CRACR2A: variants seen among roughly 807,000 people sequenced by gnomAD.
The protein encoded by CRACR2A is calcium release activated channel regulator 2A.
Under a neutral mutation model 90.5 loss-of-function variants are expected in CRACR2A, and 79 were observed. That is an observed-to-expected ratio of 0.87 (90% CI 0.73 to 1.05). The LOEUF (loss-of-function observed/expected upper bound fraction) is 1.05, where lower values mean the gene tolerates loss of function less well. Among genes scored for constraint, CRACR2A ranks in the 50% least tolerant of loss-of-function variants. The pLI, the probability that CRACR2A is intolerant of heterozygous loss-of-function variation, is 0.00. For missense variants in CRACR2A, 823 were observed against 897.2 expected (o/e 0.92, Z 1.06); for synonymous variants, 338 against 356.7 (o/e 0.95, Z 0.59).
Position 3,656,303 on chromosome 12 carries a change from C to T in CRACR2A, c.858+8G>A, listed in dbSNP as rs946159859. ...CCAGGTACTCTGGGGCCATGGATGG[C>T]AACATACCCTTTTCTGCTTCTGGGT... On this transcript the variant is annotated splice_region_variant and intron_variant, in intron 9 of 19. Coordinates refer to ENST00000440314, the MANE Select transcript of CRACR2A (RefSeq NM_001144958.2). The T allele has an allele frequency of 3.1e-6, 5 of 1,613,770 alleles. No homozygotes were observed. In the African/African-American group the frequency reaches 6.7e-5, roughly 22 times the overall value.
intron 6 of CRACR2A, among the ~76,000 whole-genome samples, chr12:3,677,779 C>G (rs1945362209): frequency 6.6e-6 from 1 of 152,188 alleles, no homozygotes; most frequent in Admixed American, 6.5e-5. Context: ...AGCAAACCTG[C>G]TACTGCTGCT....
intron 3 of CRACR2A, among the ~76,000 whole-genome samples, chr12:3,712,191 C>A (rs898290951): frequency 6.6e-6 from 1 of 151,144 alleles, no homozygotes; most frequent in African/African-American, 2.4e-5. Flanking sequence ...CAAGTGTGAA[C>A]TTTGCCACCC....
At chr12:3,697,105 G>T (rs1945754926) in intron 3 of CRACR2A, 70 bp from the exon 4 acceptor site, 3 of 1,468,906 alleles carry the variant, frequency 2.0e-6, no homozygotes, top group Non-Finnish European at 2.7e-6. Flanking sequence ...GAACAAGAGG[G>T]GATGAGAAGG....
chr12:3,748,165 T>G (rs1946653426), intron 1 of CRACR2A, among the ~76,000 whole-genome samples: 1 of 152,164 alleles, frequency 6.6e-6, no homozygotes, highest in African/African-American at 2.4e-5. Flanking sequence ...TCCCACAAGT[T>G]CTCAGGCCCA....
intron 6 of CRACR2A, among the ~76,000 whole-genome samples, chr12:3,675,760 G>A (rs768649161): frequency 8.5e-5 from 13 of 152,138 alleles, no homozygotes; most frequent in Non-Finnish European, 1.9e-4. Flanking sequence ...AATGTGACTT[G>A]TCTTCCATTA....
In CRACR2A at chr12:3,724,447, G is replaced by A. The variant is rs536158684; in HGVS notation, c.-118+8495C>T. 1.2e-3 allele frequency among the ~76,000 whole-genome samples: 176 copies of A among 152,298 alleles called. 1 individual carries two copies. The highest frequency in any genetic ancestry group is 4.0e-3 in the African/African-American group (165 of 41,550). ...TCTGCGCTTCATCATGCAGTGCCCC[G>A]CGAGACGCCTCCCCAAGATAGCTGG... On this transcript the variant is annotated intron_variant, in intron 2 of 19. Transcript: ENST00000440314.
At chr12:3,653,652 A>G (rs1316087288) in intron 10 of CRACR2A, among the ~76,000 whole-genome samples, 1 of 152,172 alleles carries the variant, frequency 6.6e-6, no homozygotes, top group Non-Finnish European at 1.5e-5. Flanking sequence ...CCCTACTGGG[A>G]CCACACAGTT....
intron 4 of CRACR2A, among the ~76,000 whole-genome samples, chr12:3,684,144 A>G (rs1945509634): frequency 6.6e-6 from 1 of 152,150 alleles, no homozygotes; most frequent in African/African-American, 2.4e-5. Flanking sequence ...TTTATTGAGG[A>G]AAAAATCAGA....
At chr12:3,628,306 G>T (rs1565463372) in intron 15 of CRACR2A, among the ~76,000 whole-genome samples, 1 of 151,874 alleles carries the variant, frequency 6.6e-6, no homozygotes, top group Admixed American at 6.6e-5. Context: ...TAGGGGTATG[G>T]CCTCCATCAA....
At chr12:3,698,268 T>C (rs1410266934) in intron 3 of CRACR2A, among the ~76,000 whole-genome samples, 3 of 152,238 alleles carry the variant, frequency 2.0e-5, no homozygotes, top group Non-Finnish European at 4.4e-5. Flanking sequence ...AATAGAGATA[T>C]GCACTGTCAT....
At chr12:3,717,313 T>C (rs1309960329) in intron 2 of CRACR2A, among the ~76,000 whole-genome samples, 2 of 152,144 alleles carry the variant, frequency 1.3e-5, no homozygotes, top group African/African-American at 2.4e-5. Context: ...TCTCTAACAA[T>C]GCTCTGAAGA....
rs561183416 is a variant in CRACR2A, at chr12:3,634,859, T to TA, written c.1603-1124dup. Among the ~76,000 whole-genome samples the TA allele has an allele frequency of 8.0e-5, 12 of 149,788 alleles. No individual in the cohort carries two copies. In the South Asian group the frequency reaches 8.4e-4, roughly 11 times the overall value. ...ATCTACAAAAATTTAAACTAAAAGT[T>TA]AAAAAAAAAATAACAACCAACCTGC... is the stretch of plus-strand genomic sequence containing the variant. On this transcript the variant is annotated intron_variant, in intron 14 of 19. Coordinates refer to ENST00000440314, the MANE Select transcript of CRACR2A (RefSeq NM_001144958.2).
chr12:3,621,308 T>G (rs1333824984), intron 17 of CRACR2A, among the ~76,000 whole-genome samples: 2 of 151,806 alleles, frequency 1.3e-5, no homozygotes, highest in Non-Finnish European at 2.9e-5. Context: ...GGGTAGGGAA[T>G]GGGTCATAAG....
intron 6 of CRACR2A, among the ~76,000 whole-genome samples, chr12:3,678,453 G>C (rs1182495334): frequency 6.6e-6 from 1 of 152,172 alleles, no homozygotes; most frequent in Non-Finnish European, 1.5e-5. Flanking sequence ...GGCACCCACA[G>C]CTGGGGCAGC....
At chr12:3,683,426 A>G (rs1235683268) in intron 4 of CRACR2A, among the ~76,000 whole-genome samples, 1 of 152,188 alleles carries the variant, frequency 6.6e-6, no homozygotes, top group East Asian at 1.9e-4. Flanking sequence ...TGGGCCAGGG[A>G]AAAAGAGAGG....
At chr12:3,734,657 A>G (rs150814273) in intron 1 of CRACR2A, among the ~76,000 whole-genome samples, 41,254 of 134,358 alleles carry the variant, frequency 0.31, 6,016 homozygotes, top group East Asian at 0.42. Context: ...GTGTGTGCAT[A>G]TACATAATAG....
intron 3 of CRACR2A, among the ~76,000 whole-genome samples, chr12:3,700,789 C>T (rs1289576159): frequency 6.6e-6 from 1 of 152,132 alleles, no homozygotes; most frequent in Non-Finnish European, 1.5e-5. Flanking sequence ...CTTTCTCTCT[C>T]AATAATTTAT....
intron 4 of CRACR2A, among the ~76,000 whole-genome samples, chr12:3,685,227 A>G (rs1945530927): frequency 6.6e-6 from 1 of 152,224 alleles, no homozygotes; most frequent in African/African-American, 2.4e-5. Context: ...TTCCCTTTTC[A>G]GCAGAAATGC....
chr12:3,724,618 G>C (rs1044220375), intron 2 of CRACR2A, among the ~76,000 whole-genome samples: 2 of 152,204 alleles, frequency 1.3e-5, no homozygotes, highest in African/African-American at 2.4e-5. Context: ...ATATCTGCAG[G>C]TAGGACTGAC....
Sources: allele counts gnomAD v4.1 joint callset (sites outside exome capture counted in the v4.1 genomes callset), GRCh38; gene constraint gnomAD v4.1.1; transcripts MANE v1.5; gene names NCBI Gene and HGNC (gene_info 2026-07-23, HGNC 2026-07-21).